Variants in ATP6V1H observed in about 807,000 individuals in gnomAD.
ATP6V1H encodes the protein V-type proton ATPase subunit H.
A neutral mutation model predicts 71.7 loss-of-function variants in ATP6V1H; 39 were observed. The ratio of observed to expected loss-of-function variants is 0.54; its 90% confidence interval spans 0.42 to 0.71. The LOEUF (loss-of-function observed/expected upper bound fraction) is 0.71. Among genes scored for constraint, ATP6V1H ranks in the 30% least tolerant of loss-of-function variants. ATP6V1H has a pLI of 0.00. For synonymous variants in ATP6V1H, 192 were observed against 199.3 expected (o/e 0.96, Z 0.31); for missense variants, 509 against 594.9 (o/e 0.86, Z 1.50).
intron 9 of ATP6V1H, among the ~76,000 whole-genome samples, chr8:53,782,980 C>T (rs1333450451): frequency 6.6e-6 from 1 of 152,190 alleles, no homozygotes; most frequent in Non-Finnish European, 1.5e-5. Flanking sequence ...CAATGTTCAT[C>T]AAGGATATTA....
At chr8:53,755,288 G>A (rs1216138868) in intron 12 of ATP6V1H, among the ~76,000 whole-genome samples, 1 of 152,072 alleles carries the variant, frequency 6.6e-6, no homozygotes, top group Non-Finnish European at 1.5e-5. Context: ...CAAAATCTAT[G>A]TGCCCCATTC....
chr8:53,731,140 T>G (rs1324651060), intron 13 of ATP6V1H, among the ~76,000 whole-genome samples: 1 of 152,046 alleles, frequency 6.6e-6, no homozygotes, highest in African/African-American at 2.4e-5. Context: ...GCTCACAGGG[T>G]GCCTTTGCCT....
intron 5 of ATP6V1H, among the ~76,000 whole-genome samples, chr8:53,815,189 A>G (rs1416460422): frequency 6.6e-6 from 1 of 152,210 alleles, no homozygotes; most frequent in African/African-American, 2.4e-5. Flanking sequence ...TGGGAGTTTT[A>G]ATACTTAAAA....
chr8:53,832,939 T>G, intron 3 of ATP6V1H, 45 bp downstream of exon 3: 1 of 1,334,202 alleles, frequency 7.5e-7, no homozygotes, highest in Non-Finnish European at 1.1e-6. Flanking sequence ...TCTAAACTTT[T>G]GGATGACACG....
Position 53,801,777 on chromosome 8 carries a change from A to G in ATP6V1H, c.677+22T>C, listed in dbSNP as rs770393500. ...GAGATGCTTGTAAATGTTATTTTACATTAAAAGGAAAGGGCACTCACCAAT... is the reference window on the plus strand; with the variant it reads ...GAGATGCTTGTAAATGTTATTTTACGTTAAAAGGAAAGGGCACTCACCAAT... On this transcript the variant is annotated intron_variant, in intron 8 of 13. Transcript: ENST00000359530. 1.8e-5 allele frequency: 28 copies of G among 1,581,944 alleles called. No homozygotes were observed. The East Asian group carries it at 4.7e-4, about 27-fold the overall frequency.
chr8:53,781,873 G>T (rs1809147631), intron 9 of ATP6V1H, among the ~76,000 whole-genome samples: 1 of 152,116 alleles, frequency 6.6e-6, no homozygotes, highest in Non-Finnish European at 1.5e-5. Context: ...TTATTTCTGA[G>T]GGCTCTGTTC....
At chr8:53,787,376 C>T (rs1449488734) in intron 9 of ATP6V1H, among the ~76,000 whole-genome samples, 1 of 152,324 alleles carries the variant, frequency 6.6e-6, no homozygotes, top group East Asian at 1.9e-4. Context: ...CCCACACACA[C>T]AGACTAGAGC....
chr8:53,817,726 C>T (rs1217629912), intron 4 of ATP6V1H, among the ~76,000 whole-genome samples, 196 bp from the exon 5 acceptor site: 1 of 152,002 alleles, frequency 6.6e-6, no homozygotes, highest in Non-Finnish European at 1.5e-5. Context: ...CTAAAAAAAT[C>T]ACCTTTAATG....
chr8:53,820,834 T>C (rs150077992), intron 4 of ATP6V1H, among the ~76,000 whole-genome samples: 237 of 151,002 alleles, frequency 1.6e-3, no homozygotes, highest in African/African-American at 5.4e-3. Context: ...AAACAAAAAT[T>C]AGCCAGGCGT....
intron 11 of ATP6V1H, among the ~76,000 whole-genome samples, chr8:53,759,742 G>A (rs992774337): frequency 6.6e-6 from 1 of 151,748 alleles, no homozygotes; most frequent in Non-Finnish European, 1.5e-5. Context: ...TATCTCCACG[G>A]CTTCTTATAT....
intron 13 of ATP6V1H, among the ~76,000 whole-genome samples, chr8:53,728,629 A>G (rs1806900314): frequency 6.6e-6 from 1 of 152,178 alleles, no homozygotes; most frequent in Non-Finnish European, 1.5e-5. Context: ...TGGCAACGCC[A>G]TCCACTCGAC....
At chr8:53,764,747 T>C (rs1690544374) in intron 11 of ATP6V1H, among the ~76,000 whole-genome samples, 1 of 152,158 alleles carries the variant, frequency 6.6e-6, no homozygotes, top group South Asian at 2.1e-4. Flanking sequence ...AAGGTACATC[T>C]ATGAGTCAGT....
chr8:53,788,049 A>C (rs1015127370), intron 9 of ATP6V1H, among the ~76,000 whole-genome samples: 3 of 152,218 alleles, frequency 2.0e-5, no homozygotes, highest in Admixed American at 6.5e-5. Context: ...AAATTACTTT[A>C]AAAATCATCA....
At chr8:53,749,081 G>T (rs113130347) in intron 12 of ATP6V1H, among the ~76,000 whole-genome samples, 1 of 152,334 alleles carries the variant, frequency 6.6e-6, no homozygotes, top group Non-Finnish European at 1.5e-5. Context: ...GCTCTTTTGA[G>T]AAGTTCACAG....
At chr8:53,834,201 G>A (rs1272377516) in intron 2 of ATP6V1H, among the ~76,000 whole-genome samples, 1 of 152,136 alleles carries the variant, frequency 6.6e-6, no homozygotes, top group Admixed American at 6.5e-5. Context: ...AGTTCCAGGT[G>A]TGAAAGCTTA....
intron 11 of ATP6V1H, among the ~76,000 whole-genome samples, chr8:53,762,364 T>C (rs536494338): frequency 1.1e-4 from 17 of 152,190 alleles, no homozygotes; most frequent in African/African-American, 3.6e-4. Flanking sequence ...TACTACCATG[T>C]TCATGGATTG....
chr8:53,754,051 GCA>G (rs1185542928), intron 12 of ATP6V1H, among the ~76,000 whole-genome samples: 3 of 152,116 alleles, frequency 2.0e-5, no homozygotes, highest in African/African-American at 7.2e-5. Flanking sequence ...GATGAGCCCT[GCA>G]CACTGCGCAT....
intron 4 of ATP6V1H, among the ~76,000 whole-genome samples, chr8:53,827,414 T>C (rs753940861): frequency 8.6e-5 from 13 of 151,608 alleles, no homozygotes; most frequent in Non-Finnish European, 7.4e-5. Flanking sequence ...ATAATAATAA[T>C]GAAATGCACA....
intron 4 of ATP6V1H, among the ~76,000 whole-genome samples, chr8:53,820,600 G>A (rs1257567181): frequency 6.6e-6 from 1 of 150,958 alleles, no homozygotes; most frequent in East Asian, 1.9e-4. Flanking sequence ...CCAAGAGTTT[G>A]AGGTTACAGT....
Sources: gnomAD v4.1 joint callset for allele counts (sites outside exome capture counted in the v4.1 genomes callset) on GRCh38, gnomAD v4.1.1 for gene constraint, MANE v1.5 for transcripts, NCBI Gene and HGNC (gene_info 2026-07-23, HGNC 2026-07-21) for gene names.